The following NME7 variants were observed in gnomAD, a reference collection of about 807,000 sequenced individuals.
NME7 encodes the protein NME/NM23 family member 7.
Under a neutral mutation model 49.1 loss-of-function variants are expected in NME7, and 41 were observed. That is an observed-to-expected ratio of 0.83 (90% confidence interval 0.65 to 1.08). NME7 has a LOEUF of 1.08. Ranked by LOEUF, NME7 falls within the 50% of genes least tolerant of loss-of-function variation. The pLI, the probability that NME7 is intolerant of heterozygous loss-of-function variation, is 0.00. For missense variants in NME7, 423 were observed against 463.4 expected (o/e 0.91, Z 0.80); for synonymous variants, 139 against 150.6 (o/e 0.92, Z 0.56).
intron 8 of NME7, among the ~76,000 whole-genome samples, chr1:169,236,691 T>C (rs2101827154): frequency 1.3e-5 from 2 of 151,380 alleles, no homozygotes; most frequent in South Asian, 4.2e-4. Context: ...AGTCTTTAAG[T>C]TTTGCTCAAT....
At chr1:169,252,403 G>C (rs1195397028) in intron 7 of NME7, among the ~76,000 whole-genome samples, 1 of 151,882 alleles carries the variant, frequency 6.6e-6, no homozygotes, top group African/African-American at 2.4e-5. Context: ...CTTTTTGATG[G>C]GGTTGTTTGT....
intron 10 of NME7, among the ~76,000 whole-genome samples, chr1:169,211,401 T>C (rs938342239): frequency 1.3e-5 from 2 of 152,184 alleles, no homozygotes; most frequent in Non-Finnish European, 2.9e-5. Context: ...GGGTTTTGAC[T>C]TTCTATCCAT....
intron 6 of NME7, among the ~76,000 whole-genome samples, chr1:169,296,986 T>C (rs112345741): frequency 6.6e-4 from 98 of 147,710 alleles, no homozygotes; most frequent in East Asian, 2.6e-3. Context: ...CTTTTTTTTT[T>C]CCCCCGAGAT....
At position 169,267,310 on chromosome 1, in the gene NME7, G is replaced by T. The variant is rs994790261; in HGVS notation, c.754+19993C>A. Among the ~76,000 whole-genome samples the T allele has an allele frequency of 6.0e-5, 8 of 133,610 alleles. 1 individual carries two copies. The highest frequency in any genetic ancestry group is 1.8e-4 in the African/African-American group (7 of 39,514). The allele number at this position is 133,610 out of a possible 152,430, so 87.7% of individuals were successfully genotyped here. A position where few individuals can be genotyped will look rare whatever the true frequency, so the allele number is the denominator to read the frequency against. On this transcript the variant is annotated intron_variant, in intron 7 of 11. Coordinates refer to ENST00000367811, the MANE Select transcript of NME7 (RefSeq NM_013330.5). ...AAGAACATTCCATGCTCTTAGATGG[G>T]AAGAATCAATATCATTAAAATGGTC...
At chr1:169,321,515 A>C (rs964454971) in intron 3 of NME7, among the ~76,000 whole-genome samples, 5 of 152,222 alleles carry the variant, frequency 3.3e-5, no homozygotes, top group Non-Finnish European at 5.9e-5. Context: ...CATTTCTTTA[A>C]TCCCAAAGAC....
chr1:169,154,980 T>A (rs1322555102), intron 11 of NME7, among the ~76,000 whole-genome samples: 1 of 151,936 alleles, frequency 6.6e-6, no homozygotes, highest in Admixed American at 6.6e-5. Context: ...TTAAAAAAAT[T>A]TTTTTTTAAG....
At chr1:169,365,057 T>C (rs148452432) in intron 1 of NME7, among the ~76,000 whole-genome samples, 91 of 152,314 alleles carry the variant, frequency 6.0e-4, no homozygotes, top group African/African-American at 1.8e-3. Flanking sequence ...GGCTTCTGCA[T>C]TCTGGCAAAC....
At chr1:169,291,902 A>G (rs993407630) in intron 6 of NME7, among the ~76,000 whole-genome samples, 11 of 152,086 alleles carry the variant, frequency 7.2e-5, no homozygotes, top group Admixed American at 7.2e-4. Context: ...ACTTTTATAT[A>G]CCAGGAAACT....
intron 6 of NME7, among the ~76,000 whole-genome samples, chr1:169,289,976 G>C (rs12145146): frequency 0.32 from 47,803 of 151,668 alleles, 8,391 homozygotes; most frequent in East Asian, 0.67. Context: ...ATTACTCTTG[G>C]CCTTTTACAT....
At chr1:169,230,641 C>T in intron 10 of NME7, 77 bp downstream of exon 10, 1 of 863,084 alleles carries the variant, frequency 1.2e-6, no homozygotes, top group Non-Finnish European at 1.7e-6. Flanking sequence ...CTTAAAGGAA[C>T]AAACGAAAAA....
chr1:169,247,776 G>A (rs557059448), intron 7 of NME7, among the ~76,000 whole-genome samples: 1 of 152,114 alleles, frequency 6.6e-6, no homozygotes, highest in South Asian at 2.1e-4. Flanking sequence ...TTAGAATAAT[G>A]GCTTCTAGCT....
intron 10 of NME7, among the ~76,000 whole-genome samples, chr1:169,230,478 G>A (rs1289264909): frequency 6.6e-6 from 1 of 152,016 alleles, no homozygotes; most frequent in African/African-American, 2.4e-5. Flanking sequence ...AAGAAAAAAA[G>A]AAAATGCGAT....
Position 169,157,878 on chromosome 1 carries a change from T to A in NME7, c.1098+11569A>T, listed in dbSNP as rs569906047. On this transcript the variant is annotated intron_variant, in intron 11 of 11. Transcript: ENST00000367811. Reference sequence around the variant, plus strand: ...TATGTCTTCTTTTGAGAAGTGTCTGTTCATGTCCTTTTTGATGGAGGTTTT... The same window carrying A: ...TATGTCTTCTTTTGAGAAGTGTCTGATCATGTCCTTTTTGATGGAGGTTTT... 3.5e-4 allele frequency among the ~76,000 whole-genome samples: 53 copies of A among 152,362 alleles called. 1 individual carries two copies. Among genetic ancestry groups the A allele is most frequent in the Admixed American group, 1.1e-3 (17 of 15,306 alleles).
intron 7 of NME7, among the ~76,000 whole-genome samples, chr1:169,278,188 T>C (rs1649827915): frequency 6.7e-6 from 1 of 148,790 alleles, no homozygotes; most frequent in Non-Finnish European, 1.5e-5. Flanking sequence ...TCTCGAGGAG[T>C]ATCTTTGTGG....
chr1:169,312,650 T>C (rs1275714436), intron 3 of NME7, among the ~76,000 whole-genome samples: 1 of 152,202 alleles, frequency 6.6e-6, no homozygotes, highest in Non-Finnish European at 1.5e-5. Flanking sequence ...ATGCAATAAA[T>C]GTCTTCATAT....
chr1:169,290,499 T>G (rs1650455384), intron 6 of NME7, among the ~76,000 whole-genome samples: 1 of 152,092 alleles, frequency 6.6e-6, no homozygotes, highest in Non-Finnish European at 1.5e-5. Context: ...CCTTTCATCT[T>G]ATACAAAAAT....
chr1:169,278,353 T>C (rs567148372), intron 7 of NME7, among the ~76,000 whole-genome samples: 6 of 152,286 alleles, frequency 3.9e-5, no homozygotes, highest in Non-Finnish European at 7.3e-5. Context: ...TCTTTTCACA[T>C]AGTCCCATAT....
chr1:169,296,117 C>A (rs780605308), intron 6 of NME7, among the ~76,000 whole-genome samples: 2 of 152,104 alleles, frequency 1.3e-5, no homozygotes, highest in Non-Finnish European at 2.9e-5. Flanking sequence ...ACAGCTACCA[C>A]CTCATCTCTT....
At chr1:169,178,820 CTTT>C (rs57619644) in intron 10 of NME7, among the ~76,000 whole-genome samples, 35 of 124,312 alleles carry the variant, frequency 2.8e-4, no homozygotes, top group Admixed American at 7.7e-4. Context: ...GAAACCTCTT[CTTT>C]TTTTTTTTTT....
Sources: allele counts gnomAD v4.1 joint callset (sites outside exome capture counted in the v4.1 genomes callset), GRCh38; gene constraint gnomAD v4.1.1; transcripts MANE v1.5; gene names NCBI Gene and HGNC (gene_info 2026-07-23, HGNC 2026-07-21).